The following PITRM1 variants were observed in gnomAD, a reference collection of about 807,000 sequenced individuals.
PITRM1 encodes pitrilysin metallopeptidase 1.
A neutral mutation model predicts 129.9 loss-of-function variants in PITRM1; 100 were observed. The observed-to-expected ratio is 0.77, with a 90% CI of 0.65 to 0.91. The LOEUF (loss-of-function observed/expected upper bound fraction) is 0.91. PITRM1 is among the 40% of genes least tolerant of loss of function. PITRM1 has a pLI of 0.00. For synonymous variants in PITRM1, 591 were observed against 508.8 expected (o/e 1.16, Z -2.17); for missense variants, 1,471 against 1,318.3 (o/e 1.12, Z -1.79).
intron 2 of PITRM1, among the ~76,000 whole-genome samples, chr10:3,168,763 C>T (rs1843094128): frequency 6.6e-6 from 1 of 152,178 alleles, no homozygotes; most frequent in Non-Finnish European, 1.5e-5. Flanking sequence ...AACTGTGAGT[C>T]AATTAAACCT....
intron 23 of PITRM1, chr10:3,141,680 TGAA>T (rs1482959544): frequency 2.1e-6 from 1 of 470,572 alleles, no homozygotes; most frequent in African/African-American, 2.0e-5. Context: ...ACAGGCTCCT[TGAA>T]GACGCCCGTG....
At chr10:3,143,226 C>A in intron 23 of PITRM1, 163 bp downstream of exon 23, 2 of 601,360 alleles carry the variant, frequency 3.3e-6, no homozygotes, top group Non-Finnish European at 6.0e-6. Context: ...ACAAAGACTG[C>A]TGGTTAAAGA....
At chr10:3,144,236 C>G in intron 22 of PITRM1, 56 bp downstream of exon 22, 1 of 947,968 alleles carries the variant, frequency 1.1e-6, no homozygotes, top group Non-Finnish European at 1.6e-6. Flanking sequence ...GTGGCAGACA[C>G]AGCCATGCAG....
At chr10:3,170,905 G>T (rs1323661321) in intron 1 of PITRM1, among the ~76,000 whole-genome samples, 1 of 151,972 alleles carries the variant, frequency 6.6e-6, no homozygotes, top group African/African-American at 2.4e-5. Context: ...GGAGGCTGCA[G>T]TGGGCCGAGA....
intron 21 of PITRM1, 111 bp from the exon 22 acceptor site, chr10:3,144,477 G>A (rs761875899): frequency 3.1e-6 from 2 of 649,768 alleles, no homozygotes; most frequent in Non-Finnish European, 5.4e-6. Context: ...TGTTAGGGCA[G>A]GTGTAAGTGT....
intron 6 of PITRM1, 109 bp downstream of exon 6, chr10:3,165,129 A>G: frequency 1.2e-6 from 1 of 830,656 alleles, no homozygotes. Flanking sequence ...TCAAGAATGT[A>G]TCACCTATAA....
chr10:3,159,706 T>C, intron 9 of PITRM1, 142 bp downstream of exon 9: 1 of 550,126 alleles, frequency 1.8e-6, no homozygotes, highest in Admixed American at 3.3e-5. Context: ...CATTTTGTTC[T>C]CTATTCCTAA....
At chr10:3,147,895 A>C (rs1167167140) in intron 18 of PITRM1, 92 bp downstream of exon 18, 28 of 1,212,964 alleles carry the variant, frequency 2.3e-5, no homozygotes, top group Middle Eastern at 1.9e-4. Flanking sequence ...GAAAACAACA[A>C]CACACACGAG....
intron 9 of PITRM1, among the ~76,000 whole-genome samples, chr10:3,159,469 T>C (rs1350166421): frequency 6.6e-6 from 1 of 152,228 alleles, no homozygotes; most frequent in Non-Finnish European, 1.5e-5. Flanking sequence ...CCACCGGAAT[T>C]ACAAAGTTTT....
Position 3,138,216 on chromosome 10 carries a change from TC to T in PITRM1, c.3020+18del, listed in dbSNP as rs751011890. ...AGGGCTTCCAGTCCCAGACGCTGTCTCCCCCGCTCCCCACTCACCTATCGCT... is the reference window on the plus strand; with the variant it reads ...AGGGCTTCCAGTCCCAGACGCTGTCTCCCCGCTCCCCACTCACCTATCGCT... On this transcript the variant is annotated intron_variant, in intron 26 of 26. Transcript: ENST00000224949. The T allele has an allele frequency of 3.1e-6, 5 of 1,601,470 alleles. No homozygotes were observed. The highest frequency in any genetic ancestry group is 4.3e-6 in the Non-Finnish European group (5 of 1,168,742).
chr10:3,144,275 T>C lies in PITRM1; in HGVS notation c.2532+17A>G, dbSNP rs1225155866. On this transcript the variant is annotated intron_variant, in intron 22 of 26. Transcript: ENST00000224949. ...AGCACCCACCCGCTGGCAACCCGGA[T>C]GGGCTGTGGTTCTTACCATGACCAG... 6.0e-6 allele frequency: 9 copies of C among 1,510,390 alleles called. No individual in the cohort carries two copies. The highest frequency in any genetic ancestry group is 8.1e-6 in the Non-Finnish European group (9 of 1,110,598). 93.6% of individuals were successfully genotyped at this position (1,510,390 alleles called of 1,614,324 possible). A position where few individuals can be genotyped will look rare whatever the true frequency, so the allele number is the denominator to read the frequency against.
At chr10:3,153,690 G>T (rs1375807725) in intron 14 of PITRM1, among the ~76,000 whole-genome samples, 1 of 151,852 alleles carries the variant, frequency 6.6e-6, no homozygotes, top group South Asian at 2.1e-4. Context: ...GCAAGAGTAA[G>T]AGCAGGTTAC....
rs749223953 is a variant in PITRM1 at position 3,140,677 on chromosome 10, C to G, written c.2771+10G>C. ...GTGCATCCCAATGTGTGAACTAGAG[C>G]AAAACTCACCTGTAAGAGTAAAGGG... On this transcript the variant is annotated intron_variant, in intron 24 of 26. Coordinates refer to ENST00000224949, the MANE Select transcript of PITRM1 (RefSeq NM_014889.4). 2 of 1,581,072 alleles carry G rather than the reference C, an allele frequency of 1.3e-6. No individual in the cohort carries two copies. Among genetic ancestry groups the G allele is most frequent in the African/African-American group, 1.3e-5 (1 of 74,386 alleles).
At chr10:3,157,141 T>A in intron 12 of PITRM1, 77 bp from the exon 13 acceptor site, 12 of 1,318,602 alleles carry the variant, frequency 9.1e-6, no homozygotes, top group Non-Finnish European at 1.2e-5. Context: ...GACTTGATAC[T>A]AAAATCCTAG....
intron 13 of PITRM1, among the ~76,000 whole-genome samples, chr10:3,156,646 C>T (rs1842005482): frequency 6.6e-6 from 1 of 152,162 alleles, no homozygotes; most frequent in African/African-American, 2.4e-5. Context: ...ATTTTATATT[C>T]TTCTACTAAT....
In PITRM1 at chr10:3,138,343, A is replaced by C; in HGVS notation, c.2918-6T>G. On this transcript the variant is annotated splice_polypyrimidine_tract_variant and splice_region_variant and intron_variant, in intron 25 of 26. Coordinates refer to ENST00000224949, the MANE Select transcript of PITRM1 (RefSeq NM_014889.4). ...GTACAAGAAGTGGTCCATTCCTAGA[A>C]GACAATCCACAGGCACGATGGAGCC... is the stretch of plus-strand genomic sequence containing the variant. The C allele has an allele frequency of 6.2e-7, 1 of 1,607,012 alleles. No homozygotes were observed.
intron 7 of PITRM1, 111 bp downstream of exon 7, chr10:3,163,614 A>G (rs1370622006): frequency 2.2e-6 from 2 of 927,006 alleles, no homozygotes; most frequent in South Asian, 1.7e-5. Context: ...CTAGACTTAG[A>G]TATTTCTTAA....
At chr10:3,170,793 C>G (rs994957498) in intron 1 of PITRM1, among the ~76,000 whole-genome samples, 32 of 151,910 alleles carry the variant, frequency 2.1e-4, no homozygotes, top group African/African-American at 7.7e-4. Context: ...GTCAGGAGTT[C>G]GAGACCAGCC....
chr10:3,141,555 A>G (rs7094698), intron 23 of PITRM1: 228,373 of 332,786 alleles, frequency 0.69, 79,076 homozygotes, highest in East Asian at 0.74. Context: ...GAACAGGGCC[A>G]ATTTCCTCTG....
Sources: allele counts gnomAD v4.1 joint callset (sites outside exome capture counted in the v4.1 genomes callset), GRCh38; gene constraint gnomAD v4.1.1; transcripts MANE v1.5; gene names NCBI Gene and HGNC (gene_info 2026-07-23, HGNC 2026-07-21).